Variants in FHIT observed in about 807,000 individuals in gnomAD.
The protein encoded by FHIT is fragile histidine triad diadenosine triphosphatase.
FHIT carries 19 observed loss-of-function variants against 17.9 expected under a neutral mutation model. That is an observed-to-expected ratio of 1.06 (90% CI 0.74 to 1.56). FHIT has a LOEUF of 1.56. FHIT is among the 40% of genes most tolerant of loss of function. The probability of loss-of-function intolerance (pLI) is 0.00; values close to 1 mark genes in which losing one functional copy is unlikely to be tolerated. For missense variants in FHIT, 248 were observed against 189.2 expected (o/e 1.31, Z -1.82); for synonymous variants, 81 against 69.7 (o/e 1.16, Z -0.81).
intron 5 of FHIT, among the ~76,000 whole-genome samples, chr3:60,380,977 G>C (rs1198509643): frequency 6.6e-6 from 1 of 152,126 alleles, no homozygotes; most frequent in Non-Finnish European, 1.5e-5. Flanking sequence ...GCCACACAGA[G>C]TGTTCCTAGT....
chr3:61,241,527 G>T (rs1006038262), intron 1 of FHIT, among the ~76,000 whole-genome samples: 2 of 152,308 alleles, frequency 1.3e-5, no homozygotes, highest in South Asian at 4.1e-4. Context: ...AATGACTGTA[G>T]ATTGTATGCT....
At chr3:60,745,026 T>C (rs1258471391) in intron 4 of FHIT, among the ~76,000 whole-genome samples, 1 of 151,838 alleles carries the variant, frequency 6.6e-6, no homozygotes, top group Admixed American at 6.6e-5. Context: ...GGCGGGAGGA[T>C]AGCATGAGCC....
intron 5 of FHIT, among the ~76,000 whole-genome samples, chr3:60,214,518 T>C (rs1438149978): frequency 6.6e-6 from 1 of 152,268 alleles, no homozygotes; most frequent in African/African-American, 2.4e-5. Flanking sequence ...AGCCACACCA[T>C]GCTGGTGAGG....
At chr3:59,904,407 T>A (rs1041512846) in intron 8 of FHIT, among the ~76,000 whole-genome samples, 1 of 151,758 alleles carries the variant, frequency 6.6e-6, no homozygotes, top group African/African-American at 2.4e-5. Flanking sequence ...TGCATCAAAA[T>A]CTTCCACCTC....
intron 4 of FHIT, among the ~76,000 whole-genome samples, chr3:60,749,462 G>A (rs2042424250): frequency 6.6e-6 from 1 of 152,096 alleles, no homozygotes; most frequent in Non-Finnish European, 1.5e-5. Context: ...GGAGGGAAAG[G>A]GTGGATTCAA....
intron 8 of FHIT, among the ~76,000 whole-genome samples, chr3:59,904,239 A>G (rs1445340131): frequency 6.6e-6 from 1 of 150,676 alleles, no homozygotes; most frequent in Non-Finnish European, 1.5e-5. Flanking sequence ...AAAAAAAAAA[A>G]GGGAAATTTA....
At chr3:59,856,024 A>G (rs923695089) in intron 8 of FHIT, among the ~76,000 whole-genome samples, 5 of 151,768 alleles carry the variant, frequency 3.3e-5, no homozygotes, top group Admixed American at 6.6e-5. Context: ...TTCGTGATCC[A>G]CCCGCCTCGG....
At chr3:60,140,000 T>C in intron 5 of FHIT, among the ~76,000 whole-genome samples, 1 of 151,970 alleles carries the variant, frequency 6.6e-6, no homozygotes, top group East Asian at 1.9e-4. Flanking sequence ...CACATGCCTA[T>C]AATCCCAGCT....
intron 8 of FHIT, among the ~76,000 whole-genome samples, chr3:59,900,475 C>A (rs898439452): frequency 1.3e-5 from 2 of 152,222 alleles, no homozygotes; most frequent in African/African-American, 4.8e-5. Context: ...TTCCCTTGTG[C>A]CTGCTTTGAC....
intron 2 of FHIT, among the ~76,000 whole-genome samples, chr3:61,137,536 C>A (rs903311523): frequency 6.6e-6 from 1 of 152,136 alleles, no homozygotes; most frequent in African/African-American, 2.4e-5. Context: ...TTCTCCTCTA[C>A]TAGCCTGGAT....
intron 5 of FHIT, among the ~76,000 whole-genome samples, chr3:60,192,611 C>T (rs1208688810): frequency 6.6e-6 from 1 of 152,138 alleles, no homozygotes; most frequent in African/African-American, 2.4e-5. Context: ...ATGGGATTTC[C>T]AAGTTCAATT....
chr3:59,963,293 A>G (rs977603153), intron 7 of FHIT, among the ~76,000 whole-genome samples: 3 of 122,750 alleles, frequency 2.4e-5, no homozygotes, highest in African/African-American at 8.2e-5. Context: ...AATAATAATA[A>G]AAGAAAAGAA....
rs11293601 is a variant in FHIT at position 60,076,802 on chromosome 3, G to GA, written c.104-62651dup. On this transcript the variant is annotated intron_variant, in intron 5 of 9. Coordinates refer to ENST00000492590, the MANE Select transcript of FHIT (RefSeq NM_002012.4). The stretch of plus-strand genomic sequence containing the variant: ...CCATTAAAGCAATCCTGATAAATAA[G>GA]AAAAAAAAACCCAAACACTATGTTT... Among the ~76,000 whole-genome samples the GA allele has an allele frequency of 3.5e-3, 536 of 151,120 alleles. 2 individuals carry two copies. The highest frequency in any genetic ancestry group is 0.012 in the African/African-American group (500 of 41,204).
intron 5 of FHIT, among the ~76,000 whole-genome samples, chr3:60,325,441 T>A (rs1010443872): frequency 6.6e-6 from 1 of 152,224 alleles, no homozygotes; most frequent in African/African-American, 2.4e-5. Context: ...ATGGCTTACA[T>A]ACATTTTTTT....
chr3:60,308,073 C>T (rs918309133), intron 5 of FHIT, among the ~76,000 whole-genome samples: 5 of 152,100 alleles, frequency 3.3e-5, no homozygotes, highest in African/African-American at 7.2e-5. Context: ...GGACAGTAAT[C>T]GTGCTGCACA....
chr3:60,140,450 T>G (rs919421461), intron 5 of FHIT, among the ~76,000 whole-genome samples: 1 of 152,124 alleles, frequency 6.6e-6, no homozygotes. Flanking sequence ...TGCTCTCTTA[T>G]GCTGAGATTG....
At position 59,866,920 on chromosome 3, in the gene FHIT, G is replaced by A. The variant is rs74346247; in HGVS notation, c.348+55426C>T. On this transcript the variant is annotated intron_variant, in intron 8 of 9. Transcript: ENST00000492590. The stretch of plus-strand genomic sequence containing the variant: ...GGAAGGTTTTATGTCACCGCTGCTC[G>A]GCTTCTTTTTGTGCTTTGATTACCT... 6.7e-3 allele frequency among the ~76,000 whole-genome samples: 1,024 copies of A among 151,788 alleles called. 17 individuals are homozygous for A. The highest frequency in any genetic ancestry group is 0.023 in the African/African-American group (967 of 41,318).
chr3:61,033,297 G>C (rs2033095879), intron 3 of FHIT, among the ~76,000 whole-genome samples: 1 of 152,132 alleles, frequency 6.6e-6, no homozygotes, highest in Non-Finnish European at 1.5e-5. Context: ...GTCTATGGCT[G>C]CTTTTGATAT....
At chr3:60,526,760 G>A (rs1459448968) in intron 5 of FHIT, among the ~76,000 whole-genome samples, 2 of 152,100 alleles carry the variant, frequency 1.3e-5, no homozygotes, top group East Asian at 3.9e-4. Flanking sequence ...TGCACTCCCA[G>A]ATCATGACAG....
Sources: gnomAD v4.1 joint callset for allele counts (sites outside exome capture counted in the v4.1 genomes callset) on GRCh38, gnomAD v4.1.1 for gene constraint, MANE v1.5 for transcripts, NCBI Gene and HGNC (gene_info 2026-07-23, HGNC 2026-07-21) for gene names.